The following RGL2 variants were observed in gnomAD, a reference collection of about 807,000 sequenced individuals.
RGL2 encodes the protein ral guanine nucleotide dissociation stimulator-like 2.
RGL2 carries 40 observed loss-of-function variants against 84.6 expected under a neutral mutation model. The ratio of observed to expected loss-of-function variants is 0.47; its 90% confidence interval spans 0.37 to 0.62. RGL2 has a LOEUF of 0.62. Among genes scored for constraint, RGL2 ranks in the 20% least tolerant of loss-of-function variants. The pLI is 0.00. For synonymous variants in RGL2, 369 were observed against 417.3 expected (o/e 0.88, Z 1.41); for missense variants, 865 against 1,019.7 (o/e 0.85, Z 2.07).
chr6:33,297,043 G>C lies in RGL2; in HGVS notation c.229C>G (p.Leu77Val), dbSNP rs1226698607. Residue 77 changes from leucine (L) to valine (V), a missense_variant, in exon 3 of 18, where the codon CTT (leucine) becomes GTT (valine). By Grantham distance (32) the Leu-to-Val change is conservative. Transcript: ENST00000497454. The surrounding 1 kb of genome is among the most constrained non-coding windows in gnomAD (Gnocchi z 4.0). ...AGTCATGATCTCACCAAGGGATCAA[G>C]AGGTCGATATTGGCGGCTTGTGACG... ...FTVTSRQYRPLDPLVPMPPPR... is the reference protein window; with the variant it reads ...FTVTSRQYRPVDPLVPMPPPR... The C allele has an allele frequency of 6.3e-7, 1 of 1,581,956 alleles. No homozygotes were observed. The highest frequency in any genetic ancestry group is 8.6e-7 in the Non-Finnish European group (1 of 1,165,720).
Position 33,295,271 on chromosome 6 carries a change from C to T in RGL2, c.1124+48G>A, listed in dbSNP as rs148464471. ...CCTGGCTCTGTCACCCCCTCTTCCC[C>T]GCCTTCTGAGGAACCCCCACCCCAG... is the stretch of plus-strand genomic sequence containing the variant. On this transcript the variant is annotated intron_variant, in intron 8 of 17. Transcript: ENST00000497454. This position sits in a 1 kb window ranked among gnomAD's most constrained non-coding sequence, Gnocchi z 7.2. 9.1e-4 allele frequency: 1,416 copies of T among 1,562,198 alleles called. 7 individuals are homozygous for T. The Middle Eastern group carries it at 0.01, about 11-fold the overall frequency.
rs769005301 is a variant in RGL2, at chr6:33,292,554, C to A, written c.2008-10G>T. ...TGTCCTGGCTTGTCACCTGGCAGAA[C>A]AGGAGACCAAAAGAGCAATCAATCA... On this transcript the variant is annotated splice_polypyrimidine_tract_variant and intron_variant, in intron 16 of 17. Transcript: ENST00000497454. 1 of 1,605,144 alleles carries A rather than the reference C, an allele frequency of 6.2e-7. No homozygotes were observed. The highest frequency in any genetic ancestry group is 1.1e-5 in the South Asian group (1 of 90,898).
rs1767929024 is a variant in RGL2 at position 33,296,169 on chromosome 6, G to A, written c.627C>T (p.Arg209=). ...GGGGGTCCACCCGGGACCGGAGATT[G>A]CGGATGAGGTCAGCGCTGCCCCCCC... is the stretch of plus-strand genomic sequence containing the variant. The part of the protein sequence containing the change: ...GVGGGSADLI[R]NLRSRVDPQA... Residue 209 remains arginine, a synonymous_variant, in exon 6 of 18, where the codon CGC becomes CGT. Transcript: ENST00000497454. The surrounding 1 kb of genome is among the most constrained non-coding windows in gnomAD (Gnocchi z 5.0). 1.9e-6 allele frequency: 3 copies of A among 1,613,970 alleles called. No homozygotes were observed. The highest frequency in any genetic ancestry group is 1.7e-6 in the Non-Finnish European group (2 of 1,179,978).
chr6:33,292,184 C>T lies in RGL2; in HGVS notation c.2252G>A (p.Gly751Glu). ...CCCTCCTCCCTCACTCGGAGGAGTT[C>T]CTGAGGCAGACGGGCCACTGGTGAC... is the stretch of plus-strand genomic sequence containing the variant. The part of the protein sequence containing the change: ...PGVTSGPSAS[G>E]TPPSEGGGGS... Residue 751 changes from glycine to glutamate, a missense_variant, in exon 18 of 18, where the codon GGA becomes GAA. Coordinates refer to ENST00000497454, the MANE Select transcript of RGL2 (RefSeq NM_004761.5). 3 of 1,614,198 alleles carry T rather than the reference C, an allele frequency of 1.9e-6. No homozygotes were observed. The highest frequency in any genetic ancestry group is 2.5e-6 in the Non-Finnish European group (3 of 1,180,042).
Position 33,295,132 on chromosome 6 carries a change from C to G in RGL2, c.1204G>C (p.Val402Leu). The G allele has an allele frequency of 6.2e-7, 1 of 1,606,992 alleles. No individual in the cohort carries two copies. Among genetic ancestry groups the G allele is most frequent in the Non-Finnish European group, 8.5e-7 (1 of 1,176,582 alleles). ...DNYSQSRELL[V>L]QEVKLQSPLE... is the part of the protein sequence containing the mutation. ...GCCACAAACCAGGCTCTCACCTGCA[C>G]GAGCAGCTCCCGACTCTGGGAATAA... The change falls in exon 9 of 18, where the codon GTG (valine) becomes CTG (leucine). Residue 402 changes from valine to leucine, a missense_variant. Physicochemically the swap from Val to Leu is conservative, Grantham distance 32. Around this residue, in one of 5 missense-constraint regions of RGL2, gnomAD observed 455 missense variants for 507.8 expected, o/e 0.90. Transcript: ENST00000497454. The surrounding 1 kb of genome is among the most constrained non-coding windows in gnomAD (Gnocchi z 7.2).
upstream of RGL2, chr6:33,300,098 T>C (rs1191848250): frequency 6.5e-6 from 1 of 153,576 alleles, no homozygotes; most frequent in Non-Finnish European, 1.5e-5. Context: ...GACCTGGAGG[T>C]GGGCGGGAGG....
chr6:33,295,767 GTAGAGGTCAGAGGT>G lies in RGL2; in HGVS notation c.769-22_769-9del, dbSNP rs780865345. The G allele has an allele frequency of 3.4e-5, 55 of 1,611,808 alleles. No homozygotes were observed. Among genetic ancestry groups the G allele is most frequent in the Non-Finnish European group, 1.4e-5 (16 of 1,178,802 alleles). On this transcript the variant is annotated splice_polypyrimidine_tract_variant and intron_variant, in intron 6 of 17. Coordinates refer to ENST00000497454, the MANE Select transcript of RGL2 (RefSeq NM_004761.5). This position sits in a 1 kb window ranked among gnomAD's most constrained non-coding sequence, Gnocchi z 7.2. ...CAAATTGAGAAAAAGTTCCTGCAGG[GTAGAGGTCAGAGGT>G]TAAAGTTCATAGTCAAGTGAGGTCA...
At chr6:33,301,427 C>A (rs1263414715), upstream of RGL2, 1 of 299,062 alleles carries the variant, frequency 3.3e-6, no homozygotes, top group Non-Finnish European at 6.3e-6. Context: ...TACAAAAATT[C>A]ACTGGGTGTG....
Position 33,293,052 on chromosome 6 carries a change from C to A in RGL2, c.1971G>T (p.Glu657Asp). The change falls in exon 16 of 18, where the codon GAG becomes GAT. Residue 657 changes from glutamate (E) to aspartate (D), a missense_variant. Physicochemically the swap from Glu to Asp is conservative, Grantham distance 45. Around this residue, in one of 5 missense-constraint regions of RGL2, gnomAD observed 302 missense variants for 327.9 expected, o/e 0.92. Transcript: ENST00000497454. This position sits in a 1 kb window ranked among gnomAD's most constrained non-coding sequence, Gnocchi z 7.0. Reference sequence around the variant, plus strand: ...TATAGACACTGCCATCTTCCCCCAACTCCATCTGGACTCGGATGATACGGC... The same window carrying A: ...TATAGACACTGCCATCTTCCCCCAAATCCATCTGGACTCGGATGATACGGC... Reference protein sequence around the residue: ...SDCRIIRVQMELGEDGSVYKS... With the variant: ...SDCRIIRVQMDLGEDGSVYKS... The A allele has an allele frequency of 6.2e-7, 1 of 1,614,210 alleles. No individual in the cohort carries two copies. Among genetic ancestry groups the A allele is most frequent in the Non-Finnish European group, 8.5e-7 (1 of 1,180,046 alleles).
upstream of RGL2, chr6:33,301,516 G>T: frequency 2.0e-6 from 1 of 503,876 alleles, no homozygotes; most frequent in Non-Finnish European, 3.5e-6. Context: ...GGAGGTTGCA[G>T]TAAGCCAAGA....
chr6:33,296,484 C>T lies in RGL2; in HGVS notation c.420-20G>A, dbSNP rs1767971417. On this transcript the variant is annotated intron_variant, in intron 4 of 17. Coordinates refer to ENST00000497454, the MANE Select transcript of RGL2 (RefSeq NM_004761.5). This position sits in a 1 kb window ranked among gnomAD's most constrained non-coding sequence, Gnocchi z 5.0. ...TCCAGCCTGAGGGGGAGAAGAGGAT[C>T]TATCTGTCCATTTTTCCCAAACCCT... is the stretch of plus-strand genomic sequence containing the variant. 5 of 1,596,790 alleles carry T rather than the reference C, an allele frequency of 3.1e-6. No homozygotes were observed. The highest frequency in any genetic ancestry group is 4.3e-6 in the Non-Finnish European group (5 of 1,172,242).
At position 33,295,325 on chromosome 6, in the gene RGL2, G is replaced by A; in HGVS notation, c.1118C>T (p.Ala373Val). The A allele has an allele frequency of 6.3e-7, 1 of 1,575,298 alleles. No homozygotes were observed. Among genetic ancestry groups the A allele is most frequent in the Non-Finnish European group, 8.6e-7 (1 of 1,160,570 alleles). Residue 373 changes from alanine to valine, a missense_variant, in exon 8 of 18, where the codon GCA becomes GTA. Around this residue, in one of 5 missense-constraint regions of RGL2, gnomAD observed 455 missense variants for 507.8 expected, o/e 0.90. Coordinates refer to ENST00000497454, the MANE Select transcript of RGL2 (RefSeq NM_004761.5). This position sits in a 1 kb window ranked among gnomAD's most constrained non-coding sequence, Gnocchi z 7.2. ...IHRLRAAWGEATRDSLRVFSS... is the reference protein window; with the variant it reads ...IHRLRAAWGEVTRDSLRVFSS... The stretch of plus-strand genomic sequence containing the variant: ...AATGCCTCAGCCTCCGCACCTGGTT[G>A]CTTCCCCCCAGGCTGCCCGAAGCCT...
At position 33,294,118 on chromosome 6, in the gene RGL2, C is replaced by CAG. The variant is rs751761632; in HGVS notation, c.1354-54_1354-53dup. The CAG allele has an allele frequency of 6.3e-7, 1 of 1,582,864 alleles. No individual in the cohort carries two copies. Among genetic ancestry groups the CAG allele is most frequent in the Non-Finnish European group, 8.6e-7 (1 of 1,162,702 alleles). On this transcript the variant is annotated intron_variant, in intron 11 of 17. Coordinates refer to ENST00000497454, the MANE Select transcript of RGL2 (RefSeq NM_004761.5). The surrounding 1 kb of genome is among the most constrained non-coding windows in gnomAD (Gnocchi z 5.0). ...AAGTTCCAACCCTACCTTCCGGCCA[C>CAG]AGAGAGAGAATATCCCCTCTCTTAA...
chr6:33,295,088 A>T lies in RGL2; in HGVS notation c.1209+39T>A. 6.3e-7 allele frequency: 1 copy of T among 1,596,350 alleles called. No homozygotes were observed. Among genetic ancestry groups the T allele is most frequent in the Non-Finnish European group, 8.5e-7 (1 of 1,170,702 alleles). ...AAAGAGACATGGGGGAGCAGTAGGG[A>T]ACAAGGAGAGGTGGGAATGCCACAA... On this transcript the variant is annotated intron_variant, in intron 9 of 17. Coordinates refer to ENST00000497454, the MANE Select transcript of RGL2 (RefSeq NM_004761.5). The surrounding 1 kb of genome is among the most constrained non-coding windows in gnomAD (Gnocchi z 7.2).
rs894249991 is a variant in RGL2 at position 33,297,222 on chromosome 6, G to A, written c.157-107C>T. Reference sequence around the variant, plus strand: ...CCCTCTGTACCCCTCACCTGTGGTGGCAGGGCATAGTACCAGCGAGTGCGA... The same window carrying A: ...CCCTCTGTACCCCTCACCTGTGGTGACAGGGCATAGTACCAGCGAGTGCGA... On this transcript the variant is annotated intron_variant, in intron 2 of 17. Coordinates refer to ENST00000497454, the MANE Select transcript of RGL2 (RefSeq NM_004761.5). This position sits in a 1 kb window ranked among gnomAD's most constrained non-coding sequence, Gnocchi z 4.0. 1.2e-6 allele frequency: 1 copy of A among 844,476 alleles called. No individual in the cohort carries two copies. The highest frequency in any genetic ancestry group is 2.6e-5 in the Admixed American group (1 of 37,924). 52.3% of individuals were successfully genotyped at this position (844,476 alleles called of 1,614,324 possible). A position where few individuals can be genotyped will look rare whatever the true frequency, so the allele number is the denominator to read the frequency against.
At chr6:33,300,650 G>C (rs1478999200), upstream of RGL2, 4 of 103,938 alleles carry the variant, frequency 3.8e-5, no homozygotes, top group African/African-American at 1.8e-4. Context: ...AACAGAGCGA[G>C]ACTCTGTCTC....
Position 33,293,423 on chromosome 6 carries a change from C to G in RGL2, c.1706G>C (p.Arg569Pro). 1 of 1,613,666 alleles carries G rather than the reference C, an allele frequency of 6.2e-7. No homozygotes were observed. The highest frequency in any genetic ancestry group is 8.5e-7 in the Non-Finnish European group (1 of 1,179,782). ...AGGAGCAGAGCTCACCTGGGCCAGC[C>G]GAGTCAGCAGAGGAGCAGGAGTTGT... The part of the protein sequence containing the change: ...APTTPAPLLT[R>P]LAQHMKWPSV... The change falls in exon 15 of 18, where the codon CGG (arginine) becomes CCG (proline). Residue 569 changes from arginine to proline, a missense_variant. Transcript: ENST00000497454. This position sits in a 1 kb window ranked among gnomAD's most constrained non-coding sequence, Gnocchi z 7.0.
rs1767511584 is a variant in RGL2 at position 33,292,516 on chromosome 6, A to T, written c.2036T>A (p.Val679Asp). ...GTTTTTCTTAAGGACACGACTGATG[A>T]CACTTGGAGCCTTGTCCTGGCTTGT... Reference protein sequence around the residue: ...LVTSQDKAPSVISRVLKKNNR... With the variant: ...LVTSQDKAPSDISRVLKKNNR... The change falls in exon 17 of 18, where the codon GTC (valine) becomes GAC (aspartate). Residue 679 changes from valine to aspartate, a missense_variant. Around this residue, in one of 5 missense-constraint regions of RGL2, gnomAD observed 302 missense variants for 327.9 expected, o/e 0.92. Transcript: ENST00000497454. The T allele has an allele frequency of 6.2e-7, 1 of 1,614,032 alleles. No homozygotes were observed. Among genetic ancestry groups the T allele is most frequent in the African/African-American group, 1.3e-5 (1 of 74,908 alleles).
At chr6:33,299,509 C>A (rs554489752), upstream of RGL2, among the ~76,000 whole-genome samples, 1 of 152,118 alleles carries the variant, frequency 6.6e-6, no homozygotes, top group Non-Finnish European at 1.5e-5. The surrounding 1 kb of genome is among the most constrained non-coding windows in gnomAD (Gnocchi z 5.0). Context: ...CCGAGATCCC[C>A]GTCGGCTCGG....
Sources: gnomAD v4.1 joint callset for allele counts (sites outside exome capture counted in the v4.1 genomes callset) on GRCh38, gnomAD v4.1.1 for gene constraint, gnomAD v4.1.1 regional missense constraint, Gnocchi (gnomAD v3.1) non-coding constraint, MANE v1.5 for transcripts, NCBI Gene and HGNC (gene_info 2026-07-23, HGNC 2026-07-21) for gene names.